MAP3K12: variants seen among roughly 807,000 people sequenced by gnomAD.
MAP3K12 encodes MAPK-upstream kinase.
Under a neutral mutation model 87.5 loss-of-function variants are expected in MAP3K12, and 14 were observed. The ratio of observed to expected loss-of-function variants is 0.16; its 90% CI spans 0.11 to 0.25. The LOEUF is 0.25. Ranked by LOEUF, MAP3K12 falls within the 10% of genes least tolerant of loss-of-function variation. The pLI is 1.00. For synonymous variants in MAP3K12, 469 were observed against 452.5 expected (o/e 1.04, Z -0.46); for missense variants, 802 against 1,140.4 (o/e 0.70, Z 4.27).
chr12:53,484,179 T>C, intron 7 of MAP3K12, 78 bp downstream of exon 7: 1 of 1,443,254 alleles, frequency 6.9e-7, no homozygotes, highest in African/African-American at 1.4e-5. Context: ...CTCAACCCAT[T>C]TCCCAGCCTC....
At position 53,482,505 on chromosome 12, in the gene MAP3K12, T is replaced by C. The variant is rs17099739; in HGVS notation, c.2238+60A>G. 9.9e-3 allele frequency: 15,928 copies of C among 1,602,174 alleles called. 1,232 individuals are homozygous for C. In the Admixed American group the frequency reaches 0.16, roughly 16 times the overall value. On this transcript the variant is annotated intron_variant, in intron 11 of 13. Coordinates refer to ENST00000547488, the MANE Select transcript of MAP3K12 (RefSeq NM_001193511.2). ...TTGAGCATAATGTGGGGGATTAGAC[T>C]TGGACCCCAGGGAGGATAAGGAAAA...
At chr12:53,497,215 A>G (rs1943563191) in intron 1 of MAP3K12, among the ~76,000 whole-genome samples, 1 of 152,246 alleles carries the variant, frequency 6.6e-6, no homozygotes, top group South Asian at 2.1e-4. Context: ...TTCTTGGCCC[A>G]GGACCTGGCA....
Position 53,486,008 on chromosome 12 carries a change from A to C in MAP3K12, c.821+48T>G. 6.5e-7 allele frequency: 1 copy of C among 1,541,932 alleles called. No individual in the cohort carries two copies. Among genetic ancestry groups the C allele is most frequent in the East Asian group, 2.3e-5 (1 of 44,262 alleles). The stretch of plus-strand genomic sequence containing the variant: ...GCCGGGAGAAGGCCACACTGACTTG[A>C]GTGGGTCACCTGCATGCACATCTGT... On this transcript the variant is annotated intron_variant, in intron 4 of 13. Coordinates refer to ENST00000547488, the MANE Select transcript of MAP3K12 (RefSeq NM_001193511.2). The surrounding 1 kb of genome is among the most constrained non-coding windows in gnomAD (Gnocchi z 4.9).
At position 53,481,205 on chromosome 12, in the gene MAP3K12, G is replaced by A. The variant is rs748192730; in HGVS notation, c.2656C>T (p.Pro886Ser). The stretch of plus-strand genomic sequence containing the variant: ...TTTCATGGAGGGAGGGAAGCTGGGG[G>A]CCGCAAGGCATCAACGCTGTTGGAG... ...DNSNSVDALR[P>S]PASLPP The change falls in exon 14 of 14, where the codon CCC becomes TCC. Residue 886 changes from proline to serine, a missense_variant. Transcript: ENST00000547488. The A allele has an allele frequency of 5.2e-6, 8 of 1,532,548 alleles. No individual in the cohort carries two copies. In the Admixed American group the frequency reaches 5.8e-5, roughly 11 times the overall value. The allele number at this position is 1,532,548 out of a possible 1,614,324, so 94.9% of individuals were successfully genotyped here.
chr12:53,481,102 G>T lies in MAP3K12; in HGVS notation c.*80C>A. On this transcript the variant is annotated 3_prime_UTR_variant, in exon 14 of 14. Coordinates refer to ENST00000547488, the MANE Select transcript of MAP3K12 (RefSeq NM_001193511.2). ...ACAGCCCCATCTTTCTGTTGATTATGTGGCGCATATATATATATATATGTA... is the reference window on the plus strand; with the variant it reads ...ACAGCCCCATCTTTCTGTTGATTATTTGGCGCATATATATATATATATGTA... 2 of 603,076 alleles carry T rather than the reference G, an allele frequency of 3.3e-6. No homozygotes were observed. The highest frequency in any genetic ancestry group is 6.3e-5 in the East Asian group (1 of 15,768). 37.4% of individuals were successfully genotyped at this position (603,076 alleles called of 1,614,324 possible). A position where few individuals can be genotyped will look rare whatever the true frequency, so the allele number is the denominator to read the frequency against.
intron 8 of MAP3K12, 84 bp downstream of exon 8, chr12:53,483,827 A>AC: frequency 1.9e-6 from 3 of 1,610,682 alleles, no homozygotes; most frequent in Middle Eastern, 3.4e-4. Flanking sequence ...TAGTCCTTCC[A>AC]CCCGCCCTGG....
upstream of MAP3K12, chr12:53,501,535 A>G: frequency 1.9e-6 from 3 of 1,546,016 alleles, no homozygotes; most frequent in Admixed American, 2.0e-5. Context: ...GCGCGGCCCC[A>G]GCATGCACCT....
chr12:53,496,170 GA>G (rs1443487263), intron 1 of MAP3K12, among the ~76,000 whole-genome samples: 109 of 152,282 alleles, frequency 7.2e-4, no homozygotes, highest in African/African-American at 2.6e-3. Flanking sequence ...AGAGGCTGAA[GA>G]CTTGGTCTCT....
chr12:53,499,003 T>G (rs978116037), intron 1 of MAP3K12, among the ~76,000 whole-genome samples: 22 of 127,832 alleles, frequency 1.7e-4, no homozygotes, highest in African/African-American at 5.6e-4. Flanking sequence ...TGTGTGTGTG[T>G]GGAGATGGTG....
chr12:53,482,037 G>A lies in MAP3K12; in HGVS notation c.2484C>T (p.Gly828=), dbSNP rs374009123. 6.2e-7 allele frequency: 1 copy of A among 1,614,102 alleles called. No homozygotes were observed. The highest frequency in any genetic ancestry group is 1.3e-5 in the African/African-American group (1 of 74,932). Residue 828 remains glycine, a synonymous_variant, in exon 13 of 14, where the codon GGC becomes GGT. Transcript: ENST00000547488. ...DERSDDMCSQ[G]SEIPLDPPPS... ...GAGGTGGGTCCAGTGGGATTTCTGA[G>A]CCCTGGGAGCACATGTCATCAGACC...
At position 53,486,408 on chromosome 12, in the gene MAP3K12, CCCAA is replaced by C; in HGVS notation, c.629+27_629+30del. 3.7e-6 allele frequency: 6 copies of C among 1,610,564 alleles called. No individual in the cohort carries two copies. Among genetic ancestry groups the C allele is most frequent in the Non-Finnish European group, 5.1e-6 (6 of 1,177,932 alleles). On this transcript the variant is annotated intron_variant, in intron 3 of 13. Transcript: ENST00000547488. This position sits in a 1 kb window ranked among gnomAD's most constrained non-coding sequence, Gnocchi z 4.9. ...GGGTACCAGGCCTTAGCATAGTATC[CCCAA>C]CACCCAGCCCCTGCCCTGGACCTCA...
chr12:53,483,678 T>C lies in MAP3K12; in HGVS notation c.1404A>G (p.Arg468=). Residue 468 remains arginine, a synonymous_variant, in exon 9 of 14, where the codon AGA becomes AGG. Coordinates refer to ENST00000547488, the MANE Select transcript of MAP3K12 (RefSeq NM_001193511.2). ...TAAGTTCCATATACAGGTTGTTGGC[T>C]CTCTCCAGCTTCCTTTCATAGTGCT... ...IREHYERKLE[R]ANNLYMELNA... The C allele has an allele frequency of 4.3e-6, 7 of 1,613,924 alleles. No individual in the cohort carries two copies. The highest frequency in any genetic ancestry group is 5.9e-6 in the Non-Finnish European group (7 of 1,179,996).
chr12:53,487,140 A>G lies in MAP3K12; in HGVS notation c.252T>C (p.His84=). The change falls in exon 2 of 14, where the codon CAT becomes CAC. Residue 84 remains histidine (H), a synonymous_variant. Coordinates refer to ENST00000547488, the MANE Select transcript of MAP3K12 (RefSeq NM_001193511.2). ...EPFANSVLQL[H]EQDAGGPGGA... is the part of the protein sequence containing the mutation. ...CCCCTGGGCCCCCTGCATCCTGCTCATGTAGCTGCAGGACACTGTTGGCAA... is the reference window on the plus strand; with the variant it reads ...CCCCTGGGCCCCCTGCATCCTGCTCGTGTAGCTGCAGGACACTGTTGGCAA... 6.2e-7 allele frequency: 1 copy of G among 1,614,052 alleles called. No individual in the cohort carries two copies. Among genetic ancestry groups the G allele is most frequent in the Non-Finnish European group, 8.5e-7 (1 of 1,179,978 alleles).
chr12:53,483,619 C>T lies in MAP3K12; in HGVS notation c.1463G>A (p.Arg488Lys), dbSNP rs144517561. 1.1e-5 allele frequency: 17 copies of T among 1,614,008 alleles called. No homozygotes were observed. The highest frequency in any genetic ancestry group is 6.7e-5 in the African/African-American group (5 of 74,900). Residue 488 changes from arginine to lysine, a missense_variant, in exon 9 of 14, where the codon AGG becomes AAG. Arg to Lys is a conservative substitution (Grantham distance 26, BLOSUM62 2). This residue lies in a region of MAP3K12 where 99 missense variants were observed against 193.4 expected (regional missense o/e 0.51). Transcript: ENST00000547488. The part of the protein sequence containing the change: ...ALMLQLELKE[R>K]ELLRREQALE... ...CAGGTAGGGTTACCTGAGCAGCTCC[C>T]TCTCCTTGAGTTCCAGCTGCAACAT...
At chr12:53,495,498 C>T (rs1158803844) in intron 1 of MAP3K12, among the ~76,000 whole-genome samples, 2 of 148,042 alleles carry the variant, frequency 1.4e-5, no homozygotes, top group Non-Finnish European at 3.0e-5. Context: ...TGTAGTCCGC[C>T]GCCACTGCAC....
At chr12:53,484,387 AG>A (rs1258336409) in intron 6 of MAP3K12, 22 bp from the exon 7 acceptor site, 1 of 1,577,646 alleles carries the variant, frequency 6.3e-7, no homozygotes, top group African/African-American at 1.3e-5. Context: ...GGAGTTAGGA[AG>A]GAGAGGGGAG....
intron 1 of MAP3K12, among the ~76,000 whole-genome samples, chr12:53,497,671 G>C (rs563080562): frequency 5.3e-5 from 8 of 152,208 alleles, no homozygotes; most frequent in African/African-American, 1.9e-4. Flanking sequence ...AGTGGCTGGC[G>C]TGAGGGGCAG....
chr12:53,484,967 A>G, intron 6 of MAP3K12, 89 bp downstream of exon 6: 5 of 1,483,746 alleles, frequency 3.4e-6, no homozygotes, highest in Middle Eastern at 1.7e-4. Context: ...AATTAAATGT[A>G]CCCCTGCCAT....
At position 53,486,235 on chromosome 12, in the gene MAP3K12, G is replaced by A. The variant is rs1321376809; in HGVS notation, c.642C>T (p.Thr214=). ...PNIITFKGVC[T]QAPCYCILME... Reference sequence around the variant, plus strand: ...TGAGGATGCAGTAGCAGGGAGCCTGGGTGCACACACCCCTGGGAGCCAAAC... The same window carrying A: ...TGAGGATGCAGTAGCAGGGAGCCTGAGTGCACACACCCCTGGGAGCCAAAC... Residue 214 remains threonine (T), a synonymous_variant, in exon 4 of 14, where the codon ACC becomes ACT. Transcript: ENST00000547488. The surrounding 1 kb of genome is among the most constrained non-coding windows in gnomAD (Gnocchi z 4.9). The A allele has an allele frequency of 6.2e-7, 1 of 1,607,072 alleles. No homozygotes were observed. Among genetic ancestry groups the A allele is most frequent in the African/African-American group, 1.3e-5 (1 of 74,938 alleles).
Sources: allele counts gnomAD v4.1 joint callset (sites outside exome capture counted in the v4.1 genomes callset), GRCh38; gene constraint gnomAD v4.1.1; regional missense constraint gnomAD v4.1.1; non-coding constraint Gnocchi (gnomAD v3.1); transcripts MANE v1.5; gene names NCBI Gene and HGNC (gene_info 2026-07-23, HGNC 2026-07-21).